Variants in GRM8 observed in about 807,000 individuals in gnomAD.
GRM8 encodes the protein metabotropic glutamate receptor 8.
In GRM8, 47 loss-of-function variants were observed where a neutral mutation model predicts 87.2. The observed-to-expected ratio is 0.54, with a 90% confidence interval of 0.43 to 0.69. The LOEUF (loss-of-function observed/expected upper bound fraction) is 0.69, where lower values mean the gene tolerates loss of function less well. GRM8 is among the 30% of genes least tolerant of loss of function. The pLI is 0.00. For missense variants in GRM8, 1,019 were observed against 1,139.2 expected, an observed-to-expected ratio of 0.89 and a Z score of 1.52; for synonymous variants, 396 against 404.5, an observed-to-expected ratio of 0.98 and a Z score of 0.25.
intron 3 of GRM8, among the ~76,000 whole-genome samples, chr7:127,011,372 A>C (rs959123818): frequency 6.6e-6 from 1 of 152,184 alleles, no homozygotes; most frequent in African/African-American, 2.4e-5. Flanking sequence ...GTTTAACTAC[A>C]TAAATTAAAA....
chr7:127,003,590 T>C (rs1813957119), intron 3 of GRM8, among the ~76,000 whole-genome samples: 1 of 151,728 alleles, frequency 6.6e-6, no homozygotes, highest in Admixed American at 6.6e-5. Context: ...CACTCCATAT[T>C]ATGTGTAGCT....
intron 7 of GRM8, among the ~76,000 whole-genome samples, chr7:126,719,800 T>A (rs1812167110): frequency 6.6e-6 from 1 of 150,994 alleles, no homozygotes; most frequent in Non-Finnish European, 1.5e-5. Flanking sequence ...TGGATTTTTT[T>A]TTTTTTCTTT....
chr7:127,016,896 T>C (rs143253669), intron 3 of GRM8, among the ~76,000 whole-genome samples: 33 of 152,166 alleles, frequency 2.2e-4, no homozygotes, highest in African/African-American at 7.0e-4. Context: ...CAAACAATCA[T>C]CTTAGTATAG....
At chr7:126,990,165 AC>A (rs1261439042) in intron 3 of GRM8, among the ~76,000 whole-genome samples, 2 of 152,102 alleles carry the variant, frequency 1.3e-5, no homozygotes, top group Non-Finnish European at 2.9e-5. Flanking sequence ...TGTTTGGCCA[AC>A]CATACTCATT....
intron 2 of GRM8, among the ~76,000 whole-genome samples, chr7:127,138,069 A>G (rs1360496776): frequency 1.3e-5 from 2 of 152,092 alleles, no homozygotes; most frequent in Non-Finnish European, 2.9e-5. Context: ...TCCAATCCCA[A>G]TCAAAAGTAT....
intron 10 of GRM8, among the ~76,000 whole-genome samples, chr7:126,441,073 T>G (rs1186218704): frequency 6.6e-6 from 1 of 152,046 alleles, no homozygotes; most frequent in African/African-American, 2.4e-5. Context: ...AAGACCTCAA[T>G]TCTTAGAGGC....
intron 2 of GRM8, chr7:127,219,436 A>AT (rs373799921): frequency 5.9e-5 from 9 of 152,162 alleles, no homozygotes; most frequent in Admixed American, 2.6e-4. Context: ...AGAGTAATGC[A>AT]TAATATTTTA....
At chr7:126,868,566 C>A (rs1798809713) in intron 6 of GRM8, among the ~76,000 whole-genome samples, 1 of 152,158 alleles carries the variant, frequency 6.6e-6, no homozygotes, top group African/African-American at 2.4e-5. Context: ...TAATAGAAGA[C>A]CAGTGTATAT....
intron 2 of GRM8, among the ~76,000 whole-genome samples, chr7:127,121,845 C>A (rs1827107954): frequency 6.6e-6 from 1 of 152,126 alleles, no homozygotes; most frequent in Non-Finnish European, 1.5e-5. Flanking sequence ...CTACCAGTCC[C>A]CACCTTCAAC....
At chr7:126,959,346 G>C (rs2535926) in intron 3 of GRM8, among the ~76,000 whole-genome samples, 68,331 of 151,726 alleles carry the variant, frequency 0.45, 15,925 homozygotes, top group East Asian at 0.66. Flanking sequence ...CATTAGAGAA[G>C]TAGAAGAGAG....
At chr7:126,739,424 A>AC (rs1010733800) in intron 7 of GRM8, among the ~76,000 whole-genome samples, 6 of 152,136 alleles carry the variant, frequency 3.9e-5, no homozygotes, top group African/African-American at 1.4e-4. Context: ...ACACACACAC[A>AC]CACACACCAC....
At chr7:126,475,484 A>G (rs533231610) in intron 9 of GRM8, among the ~76,000 whole-genome samples, 1 of 152,262 alleles carries the variant, frequency 6.6e-6, no homozygotes, top group African/African-American at 2.4e-5. Context: ...AAAAGTTGAA[A>G]GAGAGTCCAT....
At chr7:126,921,009 C>T (rs1199274504) in intron 3 of GRM8, among the ~76,000 whole-genome samples, 2 of 152,134 alleles carry the variant, frequency 1.3e-5, no homozygotes, top group African/African-American at 4.8e-5. Flanking sequence ...ACCTCCAAGG[C>T]TCACAAACAC....
chr7:127,181,753 C>T (rs1794451024), intron 2 of GRM8, among the ~76,000 whole-genome samples: 1 of 151,968 alleles, frequency 6.6e-6, no homozygotes, highest in Admixed American at 6.6e-5. Flanking sequence ...GAAAGGACAC[C>T]CTTTTCAACA....
chr7:127,221,203 A>G (rs1796907800), intron 2 of GRM8, among the ~76,000 whole-genome samples: 1 of 152,218 alleles, frequency 6.6e-6, no homozygotes, highest in African/African-American at 2.4e-5. Flanking sequence ...CTTGTCATTT[A>G]CATGTAAGGC....
chr7:126,917,373 C>CCACACACA (rs71312846), intron 3 of GRM8, among the ~76,000 whole-genome samples: 1 of 148,072 alleles, frequency 6.8e-6, no homozygotes. Flanking sequence ...CCTCCTCCAA[C>CCACACACA]CACACACACA....
chr7:126,475,749 G>A (rs1805823573), intron 9 of GRM8, among the ~76,000 whole-genome samples: 1 of 151,962 alleles, frequency 6.6e-6, no homozygotes, highest in African/African-American at 2.4e-5. Flanking sequence ...AAAACAGCAT[G>A]GTGCAAATAA....
chr7:126,801,105 G>GTTAACC (rs1161233844), intron 6 of GRM8, among the ~76,000 whole-genome samples: 2 of 152,040 alleles, frequency 1.3e-5, no homozygotes, highest in African/African-American at 4.8e-5. Flanking sequence ...TACGAAAAGT[G>GTTAACC]TTAACCTCCC....
intron 6 of GRM8, among the ~76,000 whole-genome samples, chr7:126,848,891 T>G: frequency 6.6e-6 from 1 of 152,296 alleles, no homozygotes; most frequent in East Asian, 1.9e-4. Context: ...AGAGGTTTAA[T>G]GGACTTACAG....
Sources: gnomAD v4.1 joint callset for allele counts (sites outside exome capture counted in the v4.1 genomes callset) on GRCh38, gnomAD v4.1.1 for gene constraint, MANE v1.5 for transcripts, NCBI Gene and HGNC (gene_info 2026-07-23, HGNC 2026-07-21) for gene names.